Variants in IFNAR2 observed in about 807,000 individuals in gnomAD.
The protein encoded by IFNAR2 is interferon alpha and beta receptor subunit 2.
IFNAR2 carries 30 observed loss-of-function variants against 49.4 expected under a neutral mutation model. The observed-to-expected ratio is 0.61, with a 90% CI of 0.45 to 0.82. IFNAR2 has a LOEUF of 0.82. IFNAR2 is among the 40% of genes least tolerant of loss of function. IFNAR2 has a pLI of 0.00. For synonymous variants in IFNAR2, 224 were observed against 234.5 expected, an observed-to-expected ratio of 0.96 and a Z score of 0.41; for missense variants, 600 against 622.7, an observed-to-expected ratio of 0.96 and a Z score of 0.39.
chr21:33,252,929 ACTAAAGGT>A, intron 7 of IFNAR2, 99 bp downstream of exon 7: 1 of 986,604 alleles, frequency 1.0e-6, no homozygotes. Flanking sequence ...TTCATGGAGC[ACTAAAGGT>A]CTTTCTTCCA....
At chr21:33,245,331 C>T (rs1198911612) in intron 4 of IFNAR2, among the ~76,000 whole-genome samples, 1 of 152,266 alleles carries the variant, frequency 6.6e-6, no homozygotes, top group Non-Finnish European at 1.5e-5. Flanking sequence ...CCAATTTCTA[C>T]AGGTCAGAAC....
chr21:33,230,475 A>C lies in IFNAR2; in HGVS notation c.-84+259A>C, dbSNP rs768399498. On this transcript the variant is annotated intron_variant, in intron 1 of 8. Transcript: ENST00000342136. The surrounding 1 kb of genome is among the most constrained non-coding windows in gnomAD (Gnocchi z 5.5). Reference sequence around the variant, plus strand: ...CCCTCCACGCGTCGCCCCTGCTGGGAGTCCGCTTTCGTTGCACCCCTCCGC... The same window carrying C: ...CCCTCCACGCGTCGCCCCTGCTGGGCGTCCGCTTTCGTTGCACCCCTCCGC... The C allele has an allele frequency of 1.5e-5, 7 of 470,020 alleles. No homozygotes were observed. The highest frequency in any genetic ancestry group is 1.1e-4 in the South Asian group (7 of 64,352). 29.1% of individuals were successfully genotyped at this position (470,020 alleles called of 1,614,324 possible).
Position 33,263,408 on chromosome 21 carries a change from T to C in IFNAR2, c.1456T>C (p.Ser486Pro). The C allele has an allele frequency of 6.2e-7, 1 of 1,614,058 alleles. No homozygotes were observed. The highest frequency in any genetic ancestry group is 8.5e-7 in the Non-Finnish European group (1 of 1,179,978). Residue 486 changes from serine (S) to proline (P), a missense_variant, in exon 9 of 9, where the codon TCA (serine) becomes CCA (proline). Coordinates refer to ENST00000342136, the MANE Select transcript of IFNAR2 (RefSeq NM_001289125.3). Reference protein sequence around the residue: ...GTQPTFPSPSSEGLWSEDAPS... With the variant: ...GTQPTFPSPSPEGLWSEDAPS... ...ACAGCCAACCTTTCCCAGCCCCTCTTCAGAGGGCCTGTGGTCCGAAGATGC... is the reference window on the plus strand; with the variant it reads ...ACAGCCAACCTTTCCCAGCCCCTCTCCAGAGGGCCTGTGGTCCGAAGATGC...
rs975088418 is a variant in IFNAR2 at position 33,264,522 on chromosome 21, AAAAAGC to A, written c.*1026_*1031del. On this transcript the variant is annotated 3_prime_UTR_variant, in exon 9 of 9. Transcript: ENST00000342136. ...ATGCCATATTTTAAGTTAAAAAAAAAAAAAGCAAACACAAAGATGCTTCAAGATCTT... is the reference window on the plus strand; with the variant it reads ...ATGCCATATTTTAAGTTAAAAAAAAAAAACACAAAGATGCTTCAAGATCTT... The A allele has an allele frequency of 6.6e-6, 1 of 152,108 alleles. No individual in the cohort carries two copies. The highest frequency in any genetic ancestry group is 2.4e-5 in the African/African-American group (1 of 41,406). 9.4% of individuals were successfully genotyped at this position (152,108 alleles called of 1,614,324 possible).
rs1158341136 is a variant in IFNAR2 at position 33,230,263 on chromosome 21, G to C, written c.-84+47G>C. On this transcript the variant is annotated intron_variant, in intron 1 of 8. Coordinates refer to ENST00000342136, the MANE Select transcript of IFNAR2 (RefSeq NM_001289125.3). This position sits in a 1 kb window ranked among gnomAD's most constrained non-coding sequence, Gnocchi z 5.5. ...GCGGGAGCGGAGCGCGTGGCCAGCT[G>C]ACTGGAGGGAAAACGCCGCCTCCCT... 2.1e-5 allele frequency: 23 copies of C among 1,104,780 alleles called. No individual in the cohort carries two copies. The highest frequency in any genetic ancestry group is 2.2e-5 in the Non-Finnish European group (20 of 897,302). The allele number at this position is 1,104,780 out of a possible 1,614,324, so 68.4% of individuals were successfully genotyped here. A position where few individuals can be genotyped will look rare whatever the true frequency, so the allele number is the denominator to read the frequency against.
intron 1 of IFNAR2, among the ~76,000 whole-genome samples, chr21:33,241,611 G>A (rs1052404130): frequency 6.7e-5 from 10 of 148,768 alleles, no homozygotes; most frequent in African/African-American, 2.4e-4. Context: ...GTTTTCTAAA[G>A]GGAGCAAGAC....
chr21:33,240,036 G>A (rs1285412839), intron 1 of IFNAR2, among the ~76,000 whole-genome samples: 1 of 150,302 alleles, frequency 6.7e-6, no homozygotes, highest in African/African-American at 2.5e-5. Context: ...AATGTTGTGA[G>A]CTACAGGTTC....
chr21:33,251,897 A>G (rs1169693604), intron 6 of IFNAR2: 1 of 294,276 alleles, frequency 3.4e-6, no homozygotes, highest in African/African-American at 2.3e-5. Context: ...AGCGTGGCCA[A>G]CATGGTGAAA....
chr21:33,263,376 A>G lies in IFNAR2; in HGVS notation c.1424A>G (p.Glu475Gly), dbSNP rs756179950. Residue 475 changes from glutamate (E) to glycine (G), a missense_variant, in exon 9 of 9, where the codon GAA becomes GGA. Coordinates refer to ENST00000342136, the MANE Select transcript of IFNAR2 (RefSeq NM_001289125.3). Reference sequence around the variant, plus strand: ...TCAAACCATTTGCTGGCCAGCGGGGAAGGGACACAGCCAACCTTTCCCAGC... The same window carrying G: ...TCAAACCATTTGCTGGCCAGCGGGGGAGGGACACAGCCAACCTTTCCCAGC... The part of the protein sequence containing the change: ...VQSNHLLASG[E>G]GTQPTFPSPS... 1.2e-6 allele frequency: 2 copies of G among 1,614,056 alleles called. No individual in the cohort carries two copies. Among genetic ancestry groups the G allele is most frequent in the South Asian group, 1.1e-5 (1 of 91,070 alleles).
At chr21:33,238,299 G>A (rs1986634262) in intron 1 of IFNAR2, among the ~76,000 whole-genome samples, 1 of 152,008 alleles carries the variant, frequency 6.6e-6, no homozygotes, top group South Asian at 2.1e-4. Context: ...TAATAAATCT[G>A]CCTTTCTTGA....
chr21:33,252,094 A>G (rs1347344756), intron 6 of IFNAR2: 2 of 448,760 alleles, frequency 4.5e-6, no homozygotes, highest in Non-Finnish European at 9.2e-6. Flanking sequence ...CTATCTATCT[A>G]TCTATCTATC....
In IFNAR2 at chr21:33,264,611, C is replaced by G. The variant is rs1225505697; in HGVS notation, c.*1111C>G. 3 of 150,842 alleles carry G rather than the reference C, an allele frequency of 2.0e-5. No homozygotes were observed. The highest frequency in any genetic ancestry group is 4.4e-5 in the Non-Finnish European group (3 of 67,880). The allele number at this position is 150,842 out of a possible 1,614,324, so 9.3% of individuals were successfully genotyped here. A position where few individuals can be genotyped will look rare whatever the true frequency, so the allele number is the denominator to read the frequency against. ...CCTATTTGACAATTTTCAGAGTGCT[C>G]TCTATGCTGATTCCGAGTCGAGTGT... On this transcript the variant is annotated 3_prime_UTR_variant, in exon 9 of 9. Transcript: ENST00000342136.
chr21:33,241,961 T>C lies in IFNAR2; in HGVS notation c.39T>C (p.Leu13=). 1 of 1,612,884 alleles carries C rather than the reference T, an allele frequency of 6.2e-7. No individual in the cohort carries two copies. The highest frequency in any genetic ancestry group is 8.5e-7 in the Non-Finnish European group (1 of 1,179,428). The change falls in exon 2 of 9, where the codon CTT becomes CTC. Residue 13 remains leucine (L), a synonymous_variant. Transcript: ENST00000342136. The part of the protein sequence containing the change: ...LSQNAFIFRS[L]NLVLMVYISL... ...AGAATGCCTTCATCTTCAGATCACTTAATTTGGTTCTCATGGGTAAGTGCT... is the reference window on the plus strand; with the variant it reads ...AGAATGCCTTCATCTTCAGATCACTCAATTTGGTTCTCATGGGTAAGTGCT...
intron 2 of IFNAR2, among the ~76,000 whole-genome samples, chr21:33,242,946 G>A (rs1460365990): frequency 3.5e-5 from 5 of 142,754 alleles, no homozygotes; most frequent in East Asian, 2.2e-4. Context: ...CCGCCACCAT[G>A]CCCGGCTAAT....
At position 33,264,901 on chromosome 21, in the gene IFNAR2, G is replaced by A; in HGVS notation, c.*1401G>A. 1 of 152,542 alleles carries A rather than the reference G, an allele frequency of 6.6e-6. No individual in the cohort carries two copies. The highest frequency in any genetic ancestry group is 1.5e-5 in the Non-Finnish European group (1 of 68,212). The allele number at this position is 152,542 out of a possible 1,614,324, so 9.4% of individuals were successfully genotyped here. A position where few individuals can be genotyped will look rare whatever the true frequency, so the allele number is the denominator to read the frequency against. The stretch of plus-strand genomic sequence containing the variant: ...AGCTACTTGGGAGGCTGAGGTGGGA[G>A]AATGGCTTGAGCCCAGGAAGCGGAG... On this transcript the variant is annotated 3_prime_UTR_variant, in exon 9 of 9. Transcript: ENST00000342136.
In IFNAR2 at chr21:33,264,165, G is replaced by A. The variant is rs1274818661; in HGVS notation, c.*665G>A. On this transcript the variant is annotated 3_prime_UTR_variant, in exon 9 of 9. Coordinates refer to ENST00000342136, the MANE Select transcript of IFNAR2 (RefSeq NM_001289125.3). ...TGAGCCGCTGTGCCTGGCTGGCCCT[G>A]TGATATTTCTGTGAAATAAATTGGG... 1 of 152,166 alleles carries A rather than the reference G, an allele frequency of 6.6e-6. No homozygotes were observed. Among genetic ancestry groups the A allele is most frequent in the Non-Finnish European group, 1.5e-5 (1 of 68,070 alleles). The allele number at this position is 152,166 out of a possible 1,614,324, so 9.4% of individuals were successfully genotyped here.
At chr21:33,258,495 A>G (rs538124526) in intron 7 of IFNAR2, among the ~76,000 whole-genome samples, 2 of 152,248 alleles carry the variant, frequency 1.3e-5, no homozygotes, top group African/African-American at 4.8e-5. Flanking sequence ...CAACATCTTG[A>G]TATTTTTTAT....
chr21:33,261,851 C>T (rs372343452), intron 8 of IFNAR2, among the ~76,000 whole-genome samples: 7 of 151,628 alleles, frequency 4.6e-5, no homozygotes, highest in African/African-American at 7.3e-5. Context: ...ACTCCAGCCT[C>T]GGTTACAGAG....
intron 1 of IFNAR2, chr21:33,236,737 G>C (rs1986491632): frequency 4.1e-6 from 4 of 985,102 alleles, no homozygotes; most frequent in South Asian, 9.4e-5. Context: ...GTGTGAGCTG[G>C]GGCTCCTAGC....
Sources: gnomAD v4.1 joint callset for allele counts (sites outside exome capture counted in the v4.1 genomes callset) on GRCh38, gnomAD v4.1.1 for gene constraint, Gnocchi (gnomAD v3.1) non-coding constraint, MANE v1.5 for transcripts, NCBI Gene and HGNC (gene_info 2026-07-23, HGNC 2026-07-21) for gene names.